Variants in DCST1 observed in about 807,000 individuals in gnomAD.
The protein encoded by DCST1 is DC-STAMP domain containing 1.
A neutral mutation model predicts 89.1 loss-of-function variants in DCST1; 78 were observed. That is an observed-to-expected ratio of 0.88 (90% CI 0.73 to 1.06). The LOEUF (loss-of-function observed/expected upper bound fraction) is 1.06, where lower values mean the gene tolerates loss of function less well. Among genes scored for constraint, DCST1 ranks in the 50% least tolerant of loss-of-function variants. DCST1 has a pLI of 0.00. For synonymous variants in DCST1, 364 were observed against 371.9 expected (o/e 0.98, Z 0.24); for missense variants, 900 against 928.6 (o/e 0.97, Z 0.40).
chr1:155,046,599 T>C (rs1223705496), intron 13 of DCST1, 113 bp downstream of exon 13: 1 of 978,692 alleles, frequency 1.0e-6, no homozygotes, highest in African/African-American at 2.5e-5. Flanking sequence ...TCCTTCTGCC[T>C]CTTTTTTTTT....
chr1:155,040,850 T>G (rs1321963106), intron 6 of DCST1, among the ~76,000 whole-genome samples: 1 of 152,232 alleles, frequency 6.6e-6, no homozygotes, highest in Admixed American at 6.5e-5. Context: ...TCCTAATACC[T>G]GAGTGGTCAG....
At chr1:155,034,908 G>A in intron 4 of DCST1, 181 bp downstream of exon 4, 1 of 649,954 alleles carries the variant, frequency 1.5e-6, no homozygotes, top group Non-Finnish European at 2.7e-6. Context: ...TAAGAAGGAA[G>A]ACACCGTCCT....
In DCST1 at chr1:155,047,905, C is replaced by A. The variant is rs1429910727; in HGVS notation, c.1731C>A (p.Val577=). ...CTTTTGGCTACCGACTCCGGAGGGT[C>A]ATCGCAGCCTTCTACTTCCCCAAGG... ...LQAFGYRLRR[V]IAAFYFPKRE... The change falls in exon 15 of 17, where the codon GTC becomes GTA. Residue 577 remains valine, a synonymous_variant. Transcript: ENST00000295542. 1 of 1,614,140 alleles carries A rather than the reference C, an allele frequency of 6.2e-7. No individual in the cohort carries two copies. The highest frequency in any genetic ancestry group is 8.5e-7 in the Non-Finnish European group (1 of 1,180,016).
At chr1:155,041,955 G>A in intron 8 of DCST1, 98 bp downstream of exon 8, 1 of 1,539,344 alleles carries the variant, frequency 6.5e-7, no homozygotes, top group Non-Finnish European at 8.8e-7. Context: ...CAGATGAGGA[G>A]GGTTTTGGCC....
intron 8 of DCST1, among the ~76,000 whole-genome samples, chr1:155,042,135 G>A (rs913384862): frequency 3.9e-5 from 6 of 152,020 alleles, no homozygotes; most frequent in Non-Finnish European, 4.4e-5. Context: ...CTTCACTCTT[G>A]TCACCCAGAC....
intron 7 of DCST1, 28 bp downstream of exon 7, chr1:155,041,641 G>A (rs1436991911): frequency 4.3e-6 from 7 of 1,613,814 alleles, no homozygotes; most frequent in Non-Finnish European, 5.9e-6. Flanking sequence ...GGAGTGGAGG[G>A]TGGGGTGGGA....
chr1:155,044,016 T>C (rs763311151), intron 10 of DCST1, among the ~76,000 whole-genome samples: 5 of 152,114 alleles, frequency 3.3e-5, no homozygotes, highest in Non-Finnish European at 4.4e-5. Flanking sequence ...CTATTTCCCA[T>C]CTCCACTCCC....
At position 155,047,908 on chromosome 1, in the gene DCST1, C is replaced by T. The variant is rs745792873; in HGVS notation, c.1734C>T (p.Ile578=). ...QAFGYRLRRV[I]AAFYFPKREK... ...TTGGCTACCGACTCCGGAGGGTCAT[C>T]GCAGCCTTCTACTTCCCCAAGGTTT... The change falls in exon 15 of 17, where the codon ATC becomes ATT. Residue 578 remains isoleucine (I), a synonymous_variant. Coordinates refer to ENST00000295542, the MANE Select transcript of DCST1 (RefSeq NM_152494.4). 1.7e-5 allele frequency: 27 copies of T among 1,614,038 alleles called. No homozygotes were observed. Among genetic ancestry groups the T allele is most frequent in the South Asian group, 6.6e-5 (6 of 91,088 alleles).
At chr1:155,041,982 C>T (rs1660453645) in intron 8 of DCST1, 125 bp downstream of exon 8, 16 of 1,311,394 alleles carry the variant, frequency 1.2e-5, no homozygotes, top group Non-Finnish European at 1.6e-5. Flanking sequence ...CCACAGCATC[C>T]TTAGAGCCCT....
rs771563554 is a variant in DCST1 at position 155,047,219 on chromosome 1, G to T, written c.1519G>T (p.Val507Phe). 18 of 1,614,088 alleles carry T rather than the reference G, an allele frequency of 1.1e-5. No individual in the cohort carries two copies. In the South Asian group the frequency reaches 1.6e-4, roughly 15 times the overall value. ...FRSSHKLEVKVGGDSMLARLL... is the reference protein window; with the variant it reads ...FRSSHKLEVKFGGDSMLARLL... Reference sequence around the variant, plus strand: ...AGGCAGTCATAAACTGGAGGTGAAGGTCGGGGGAGACTCCATGCTAGCCCG... The same window carrying T: ...AGGCAGTCATAAACTGGAGGTGAAGTTCGGGGGAGACTCCATGCTAGCCCG... The change falls in exon 14 of 17, where the codon GTC becomes TTC. Residue 507 changes from valine (V) to phenylalanine (F), a missense_variant. By Grantham distance (50) the Val-to-Phe change is conservative. Transcript: ENST00000295542.
chr1:155,046,347 G>A lies in DCST1; in HGVS notation c.1369-13G>A. On this transcript the variant is annotated splice_polypyrimidine_tract_variant and intron_variant, in intron 12 of 16. Coordinates refer to ENST00000295542, the MANE Select transcript of DCST1 (RefSeq NM_152494.4). ...GGCACTGCCCAGCTCTGCCCCTCCT[G>A]CTCCTTGGCCAGGTGAGGGAGCTCC... 6.2e-7 allele frequency: 1 copy of A among 1,614,142 alleles called. No individual in the cohort carries two copies. The highest frequency in any genetic ancestry group is 8.5e-7 in the Non-Finnish European group (1 of 1,180,018).
At chr1:155,047,356 G>A (rs1229781392) in intron 14 of DCST1, 44 bp downstream of exon 14, 1 of 1,551,870 alleles carries the variant, frequency 6.4e-7, no homozygotes, top group Non-Finnish European at 8.8e-7. Context: ...CGAGGGCGGT[G>A]GGGCAAGGGT....
chr1:155,039,259 T>G, intron 4 of DCST1, 144 bp from the exon 5 acceptor site: 1 of 946,902 alleles, frequency 1.1e-6, no homozygotes, highest in Non-Finnish European at 1.5e-6. Context: ...GCCCAGCAGG[T>G]CTATCAGAGT....
At chr1:155,041,285 C>T (rs1411944735) in intron 6 of DCST1, 112 bp from the exon 7 acceptor site, 7 of 1,085,842 alleles carry the variant, frequency 6.4e-6, no homozygotes, top group Non-Finnish European at 8.1e-6. Flanking sequence ...GGCTCCCTGT[C>T]GGCCTGGGGT....
intron 2 of DCST1, 115 bp from the exon 3 acceptor site, chr1:155,034,320 T>C (rs1558104768): frequency 1.2e-6 from 2 of 1,604,558 alleles, no homozygotes; most frequent in Non-Finnish European, 1.7e-6. Context: ...CCTAAGTTCC[T>C]ACTGTTTCAC....
intron 6 of DCST1, 120 bp from the exon 7 acceptor site, chr1:155,041,277 C>A: frequency 1.0e-6 from 1 of 1,000,420 alleles, no homozygotes; most frequent in Non-Finnish European, 1.5e-6. Context: ...AGGGCCTAGG[C>A]TCCCTGTCGG....
In DCST1 at chr1:155,034,545, G is replaced by C. The variant is rs993421130; in HGVS notation, c.172G>C (p.Gly58Arg). ...TALLLGAGAG[G>R]LLAIGLFQLL... Reference sequence around the variant, plus strand: ...TCTCCTGCTGGGGGCAGGCGCTGGGGGGCTCCTGGCCATAGGTGAGTGTGG... The same window carrying C: ...TCTCCTGCTGGGGGCAGGCGCTGGGCGGCTCCTGGCCATAGGTGAGTGTGG... Residue 58 changes from glycine (G) to arginine (R), a missense_variant, in exon 3 of 17, where the codon GGG becomes CGG. Transcript: ENST00000295542. 6.2e-7 allele frequency: 1 copy of C among 1,613,614 alleles called. No individual in the cohort carries two copies. Among genetic ancestry groups the C allele is most frequent in the African/African-American group, 1.3e-5 (1 of 74,898 alleles).
Position 155,047,826 on chromosome 1 carries a change from A to G in DCST1, c.1652A>G (p.Tyr551Cys), listed in dbSNP as rs774354116. 7 of 1,614,150 alleles carry G rather than the reference A, an allele frequency of 4.3e-6. No individual in the cohort carries two copies. In the South Asian group the frequency reaches 6.6e-5, roughly 15 times the overall value. ...PQPVGLDARA[Y>C]WRAAVPIGLL... ...CCTGTGGGCCTGGATGCCAGGGCCTACTGGAGAGCTGCAGTACCGATTGGC... is the reference window on the plus strand; with the variant it reads ...CCTGTGGGCCTGGATGCCAGGGCCTGCTGGAGAGCTGCAGTACCGATTGGC... Residue 551 changes from tyrosine (Y) to cysteine (C), a missense_variant, in exon 15 of 17, where the codon TAC (tyrosine) becomes TGC (cysteine). Physicochemically the swap from Tyr to Cys is radical, Grantham distance 194 (BLOSUM62 -2). Coordinates refer to ENST00000295542, the MANE Select transcript of DCST1 (RefSeq NM_152494.4).
At chr1:155,034,780 C>T (rs1660222120) in intron 4 of DCST1, 53 bp downstream of exon 4, 1 of 1,593,338 alleles carries the variant, frequency 6.3e-7, no homozygotes, top group Admixed American at 1.7e-5. Context: ...GAACACAGCG[C>T]CGTCCTGCAT....
Sources: allele counts gnomAD v4.1 joint callset (sites outside exome capture counted in the v4.1 genomes callset), GRCh38; gene constraint gnomAD v4.1.1; transcripts MANE v1.5; gene names NCBI Gene and HGNC (gene_info 2026-07-23, HGNC 2026-07-21).